Variants in IL1RAPL2 observed in about 807,000 individuals in gnomAD.
The protein encoded by IL1RAPL2 is interleukin 1 receptor accessory protein like 2.
A neutral mutation model predicts 44.1 loss-of-function variants in IL1RAPL2; 3 were observed. The observed-to-expected ratio is 0.07, with a 90% confidence interval of 0.03 to 0.18. The LOEUF (loss-of-function observed/expected upper bound fraction) is 0.18. IL1RAPL2 is among the 10% of genes least tolerant of loss of function. IL1RAPL2 has a pLI of 1.00. For synonymous variants in IL1RAPL2, 181 were observed against 178.8 expected, an observed-to-expected ratio of 1.01 and a Z score of -0.10; for missense variants, 391 against 496.4, an observed-to-expected ratio of 0.79 and a Z score of 2.02.
At chrX:105,015,937 A>G (rs185185116) in intron 2 of IL1RAPL2, among the ~76,000 whole-genome samples, 1 of 111,505 alleles carries the variant, frequency 9.0e-6, no homozygotes, top group East Asian at 2.9e-4. Flanking sequence ...GATTCTTCCT[A>G]TCCATGAGCA....
intron 2 of IL1RAPL2, among the ~76,000 whole-genome samples, chrX:104,795,049 C>T (rs1017643063): frequency 8.9e-6 from 1 of 111,860 alleles, no homozygotes; most frequent in African/African-American, 3.3e-5. Context: ...TCCCACCAGT[C>T]TTTCCAAATA....
intron 5 of IL1RAPL2, among the ~76,000 whole-genome samples, chrX:105,379,590 G>A (rs944826409): frequency 3.6e-5 from 4 of 111,433 alleles, no homozygotes; most frequent in African/African-American, 1.3e-4. Context: ...GAGCATGGCC[G>A]AATATGCTCC....
At chrX:105,724,002 T>G (rs1256257576) in intron 7 of IL1RAPL2, among the ~76,000 whole-genome samples, 3 of 111,008 alleles carry the variant, frequency 2.7e-5, no homozygotes, top group African/African-American at 9.9e-5. Flanking sequence ...AAAATTGCAT[T>G]GTGTAATATA....
At chrX:104,882,268 G>A (rs1324344469) in intron 2 of IL1RAPL2, among the ~76,000 whole-genome samples, 3 of 112,165 alleles carry the variant, frequency 2.7e-5, no homozygotes, top group Admixed American at 1.9e-4. Context: ...TGATGGAAGG[G>A]GCATAAGTTG....
intron 2 of IL1RAPL2, among the ~76,000 whole-genome samples, chrX:104,660,638 C>CACACAT (rs1569291819): frequency 9.5e-6 from 1 of 104,808 alleles, no homozygotes; most frequent in African/African-American, 3.5e-5. Context: ...CACACACACA[C>CACACAT]ACATACACAT....
intron 1 of IL1RAPL2, among the ~76,000 whole-genome samples, chrX:104,585,101 A>G (rs1928479908): frequency 1.1e-5 from 1 of 93,472 alleles, no homozygotes; most frequent in South Asian, 5.0e-4. Flanking sequence ...CTCTATCTTT[A>G]TATAAACCAT....
intron 2 of IL1RAPL2, among the ~76,000 whole-genome samples, chrX:105,174,802 T>A (rs1273639627): frequency 2.7e-5 from 3 of 111,734 alleles, no homozygotes; most frequent in Non-Finnish European, 5.6e-5. Flanking sequence ...TGTCACCCAC[T>A]GCTGGTGCCT....
intron 1 of IL1RAPL2, among the ~76,000 whole-genome samples, chrX:104,573,723 A>G (rs1343087190): frequency 8.9e-6 from 1 of 112,575 alleles, no homozygotes; most frequent in Non-Finnish European, 1.9e-5. Context: ...CTTATATTGG[A>G]AATTATAATG....
intron 2 of IL1RAPL2, among the ~76,000 whole-genome samples, chrX:104,822,096 T>TTTG (rs1036854040): frequency 8.1e-5 from 9 of 111,609 alleles, no homozygotes; most frequent in Admixed American, 1.9e-4. Context: ...GGGGTGTTTT[T>TTTG]TTGTTGTTGT....
intron 2 of IL1RAPL2, among the ~76,000 whole-genome samples, chrX:105,039,400 T>A (rs1365257691): frequency 8.9e-6 from 1 of 111,865 alleles, no homozygotes; most frequent in Non-Finnish European, 1.9e-5. Context: ...CAACTCCAAG[T>A]CTGCACAAAT....
intron 2 of IL1RAPL2, among the ~76,000 whole-genome samples, chrX:104,659,885 G>T (rs941488726): frequency 2.2e-4 from 25 of 111,706 alleles, no homozygotes; most frequent in African/African-American, 7.5e-4. Context: ...GCGGATTGGG[G>T]GGAGGTGCTT....
rs1385719890 is a variant in IL1RAPL2 at position 104,980,625 on chromosome X, T to C, written c.83-214850T>C. ...AAAATCCTTTAAGTGGTTGTAGGTG[T>C]CTGGCATTTTATCTAGATTTTTAAA... On this transcript the variant is annotated intron_variant, in intron 2 of 10. Transcript: ENST00000372582. Among the ~76,000 whole-genome samples, 3 of 112,363 alleles carry C rather than the reference T, an allele frequency of 2.7e-5. No homozygotes were observed. In the East Asian group the frequency reaches 8.4e-4, roughly 31 times the overall value.
Position 105,767,742 on chromosome X carries a change from G to A in IL1RAPL2, c.*81G>A, listed in dbSNP as rs2038744902. The A allele has an allele frequency of 8.5e-6, 6 of 709,182 alleles. No individual in the cohort carries two copies. Among genetic ancestry groups the A allele is most frequent in the Non-Finnish European group, 1.3e-5 (6 of 474,265 alleles). 58.4% of individuals were successfully genotyped at this position (709,182 alleles called of 1,213,427 possible). A position where few individuals can be genotyped will look rare whatever the true frequency, so the allele number is the denominator to read the frequency against. On this transcript the variant is annotated 3_prime_UTR_variant, in exon 11 of 11. Coordinates refer to ENST00000372582, the MANE Select transcript of IL1RAPL2 (RefSeq NM_017416.2). ...CCAAGCATAAAGTACACCTAATAAC[G>A]TTGTGTTAAAAAAGTGTTTGAAGAA... is the stretch of plus-strand genomic sequence containing the variant.
rs1393985453 is a variant in IL1RAPL2 at position 105,315,590 on chromosome X, A to G, written c.697+48049A>G. 2.3e-4 allele frequency among the ~76,000 whole-genome samples: 14 copies of G among 61,991 alleles called. 1 individual carries two copies. The highest frequency in any genetic ancestry group is 4.9e-4 in the Non-Finnish European group (14 of 28,433). 53.8% of individuals were successfully genotyped at this position (61,991 alleles called of 115,157 possible). A position where few individuals can be genotyped will look rare whatever the true frequency, so the allele number is the denominator to read the frequency against. On this transcript the variant is annotated intron_variant, in intron 5 of 10. Coordinates refer to ENST00000372582, the MANE Select transcript of IL1RAPL2 (RefSeq NM_017416.2). ...AGAACTAATGGATGTATATATATAT[A>G]TATATATATATGGTTTTATTAAGTA...
chrX:105,056,697 T>G (rs2031998124), intron 2 of IL1RAPL2, among the ~76,000 whole-genome samples: 2 of 111,964 alleles, frequency 1.8e-5, no homozygotes, highest in South Asian at 7.5e-4. Context: ...TTCTACTCTG[T>G]AAAGAGAAAT....
At chrX:105,674,671 A>C (rs78810973) in intron 6 of IL1RAPL2, among the ~76,000 whole-genome samples, 5,585 of 111,324 alleles carry the variant, frequency 0.05, 374 homozygotes, top group African/African-American at 0.17. Context: ...CCATAAAAAA[A>C]TTAGTTTTTT....
chrX:105,572,396 G>A (rs2037020373), intron 6 of IL1RAPL2, among the ~76,000 whole-genome samples: 2 of 111,880 alleles, frequency 1.8e-5, no homozygotes, highest in African/African-American at 6.5e-5. Context: ...TTTGTGGCCA[G>A]GAAGATAGTT....
At chrX:104,863,306 C>T (rs143297949) in intron 2 of IL1RAPL2, among the ~76,000 whole-genome samples, 2,167 of 111,609 alleles carry the variant, frequency 0.019, 26 homozygotes, top group Middle Eastern at 0.051. Context: ...ATCATTTAAT[C>T]ACTCATACAT....
At chrX:104,908,420 G>A (rs1179734588) in intron 2 of IL1RAPL2, among the ~76,000 whole-genome samples, 27 of 111,285 alleles carry the variant, frequency 2.4e-4, no homozygotes, top group Admixed American at 3.8e-4. Flanking sequence ...ACATTTTGGC[G>A]TGATTTTGCA....
Sources: allele counts gnomAD v4.1 joint callset (sites outside exome capture counted in the v4.1 genomes callset), GRCh38; gene constraint gnomAD v4.1.1; transcripts MANE v1.5; gene names NCBI Gene and HGNC (gene_info 2026-07-23, HGNC 2026-07-21).